The following AKR1E2 variants were observed in gnomAD, a reference collection of about 807,000 sequenced individuals.
AKR1E2 encodes the protein 1,5-anhydro-D-fructose reductase.
AKR1E2 carries 43 observed loss-of-function variants against 41.9 expected under a neutral mutation model. That is an observed-to-expected ratio of 1.03 (90% CI 0.80 to 1.32). The LOEUF (loss-of-function observed/expected upper bound fraction) is 1.32, where lower values mean the gene tolerates loss of function less well. Ranked by LOEUF, AKR1E2 falls within the 40% of genes most tolerant of loss-of-function variation. The probability of loss-of-function intolerance (pLI) is 0.00; values close to 1 mark genes in which losing one functional copy is unlikely to be tolerated. For synonymous variants in AKR1E2, 121 were observed against 138.9 expected (o/e 0.87, Z 0.91); for missense variants, 423 against 396.5 (o/e 1.07, Z -0.57).
In AKR1E2 at chr10:4,837,528, C is replaced by A. The variant is rs751902623; in HGVS notation, c.529C>A (p.Leu177Ile). The A allele has an allele frequency of 1.2e-6, 2 of 1,614,124 alleles. No homozygotes were observed. The highest frequency in any genetic ancestry group is 1.7e-6 in the Non-Finnish European group (2 of 1,180,022). ...GGTGTCAAACTTCAACCATGAACAG[C>A]TTGAGAGGCTTTTGAATAAGCCTGG... is the stretch of plus-strand genomic sequence containing the variant. ...IGVSNFNHEQ[L>I]ERLLNKPGLR... is the part of the protein sequence containing the mutation. Residue 177 changes from leucine to isoleucine, a missense_variant, in exon 5 of 10, where the codon CTT becomes ATT. Coordinates refer to ENST00000298375, the MANE Select transcript of AKR1E2 (RefSeq NM_001040177.3).
chr10:4,840,493 A>C (rs899325713), intron 6 of AKR1E2, among the ~76,000 whole-genome samples: 1 of 152,068 alleles, frequency 6.6e-6, no homozygotes, highest in Non-Finnish European at 1.5e-5. Context: ...AGCTGAAAGG[A>C]GCTGTCTCTT....
chr10:4,845,237 C>A (rs1460607594), intron 8 of AKR1E2, among the ~76,000 whole-genome samples: 3 of 152,236 alleles, frequency 2.0e-5, no homozygotes, highest in Non-Finnish European at 2.9e-5. Context: ...CCCACACCCA[C>A]CCGGAATTCG....
At position 4,841,678 on chromosome 10, in the gene AKR1E2, T is replaced by C. The variant is rs143980999; in HGVS notation, c.681-107T>C. 6.6e-5 allele frequency: 57 copies of C among 862,960 alleles called. 1 individual carries two copies. In the African/African-American group the frequency reaches 7.6e-4, roughly 11 times the overall value. The allele number at this position is 862,960 out of a possible 1,614,324, so 53.5% of individuals were successfully genotyped here. On this transcript the variant is annotated intron_variant, in intron 6 of 9. Coordinates refer to ENST00000298375, the MANE Select transcript of AKR1E2 (RefSeq NM_001040177.3). ...AATTTCCTGTAGTCGGCATGTGTCA[T>C]GATCAGAAAATAAATCTTTCATTTT...
intron 8 of AKR1E2, among the ~76,000 whole-genome samples, chr10:4,845,341 G>A (rs1564277251): frequency 6.6e-6 from 1 of 152,182 alleles, no homozygotes; most frequent in Non-Finnish European, 1.5e-5. Context: ...CTCCGGCCTC[G>A]GCCAGCCCAG....
chr10:4,825,679 G>A (rs931327630), upstream of AKR1E2, among the ~76,000 whole-genome samples: 2 of 152,196 alleles, frequency 1.3e-5, no homozygotes, highest in South Asian at 2.1e-4. Flanking sequence ...CCAGACTGGG[G>A]GCCTCGGGGC....
At chr10:4,863,430 A>G in the AKR1E2 span, among the ~76,000 whole-genome samples, 1 of 152,192 alleles carries the variant, frequency 6.6e-6, no homozygotes, top group Non-Finnish European at 1.5e-5. Flanking sequence ...AAAACACAAC[A>G]TACCAGAATC....
chr10:4,860,009 C>G, the AKR1E2 span, among the ~76,000 whole-genome samples: 1 of 152,126 alleles, frequency 6.6e-6, no homozygotes, highest in East Asian at 1.9e-4. Flanking sequence ...GAGGCAGGGC[C>G]CTTGTGTCTT....
chr10:4,845,891 C>T (rs192522180), intron 8 of AKR1E2: 17 of 468,488 alleles, frequency 3.6e-5, no homozygotes, highest in East Asian at 7.0e-5. Flanking sequence ...CAGACAGCAG[C>T]GGCGGGTTAG....
At chr10:4,836,809 G>A (rs920102404) in intron 4 of AKR1E2, among the ~76,000 whole-genome samples, 35 of 152,222 alleles carry the variant, frequency 2.3e-4, no homozygotes, top group African/African-American at 8.0e-4. Context: ...CAGAGTTGAG[G>A]CAGTAACTAA....
the AKR1E2 span, among the ~76,000 whole-genome samples, chr10:4,857,427 C>A: frequency 6.6e-6 from 1 of 152,154 alleles, no homozygotes; most frequent in African/African-American, 2.4e-5. Context: ...TCTCTGTCTT[C>A]CTCATGCTCC....
At position 4,826,287 on chromosome 10, in the gene AKR1E2, T is replaced by C. The variant is rs539023957; in HGVS notation, c.-38T>C. 4 of 1,228,652 alleles carry C rather than the reference T, an allele frequency of 3.3e-6. No individual in the cohort carries two copies. The South Asian group carries it at 1.2e-4, about 38-fold the overall frequency. The allele number at this position is 1,228,652 out of a possible 1,614,324, so 76.1% of individuals were successfully genotyped here. A position where few individuals can be genotyped will look rare whatever the true frequency, so the allele number is the denominator to read the frequency against. On this transcript the variant is annotated 5_prime_UTR_variant, in exon 1 of 10. Coordinates refer to ENST00000298375, the MANE Select transcript of AKR1E2 (RefSeq NM_001040177.3). ...CGCGCGGTGCCTGTCGGTAGTCGCG[T>C]GCGGGGCGGCGGGGCGGCGGGGCGG...
chr10:4,827,075 GAAAAA>G (rs5782783), intron 1 of AKR1E2, among the ~76,000 whole-genome samples: 118 of 123,130 alleles, frequency 9.6e-4, no homozygotes, highest in East Asian at 8.1e-3. Context: ...GACCTTGCTG[GAAAAA>G]AAAAAAAAAA....
chr10:4,837,995 A>G (rs1833572633), intron 5 of AKR1E2, among the ~76,000 whole-genome samples: 1 of 152,240 alleles, frequency 6.6e-6, no homozygotes, highest in Non-Finnish European at 1.5e-5. Flanking sequence ...GCTGAAGGTG[A>G]TGCAGGCACT....
intron 5 of AKR1E2, among the ~76,000 whole-genome samples, chr10:4,838,231 C>T (rs1444733683): frequency 1.3e-5 from 2 of 152,182 alleles, no homozygotes; most frequent in Non-Finnish European, 1.5e-5. Flanking sequence ...TAACCCCTGC[C>T]GAGCACAGCA....
intron 5 of AKR1E2, 138 bp from the exon 6 acceptor site, chr10:4,839,591 C>G: frequency 4.1e-6 from 3 of 740,592 alleles, no homozygotes; most frequent in Admixed American, 4.2e-5. Context: ...AGACTCCTCA[C>G]AACAGAAACA....
At position 4,847,558 on chromosome 10, in the gene AKR1E2, C is replaced by G; in HGVS notation, c.*28C>G. 1.2e-6 allele frequency: 2 copies of G among 1,611,440 alleles called. No homozygotes were observed. Among genetic ancestry groups the G allele is most frequent in the Non-Finnish European group, 1.7e-6 (2 of 1,177,798 alleles). On this transcript the variant is annotated 3_prime_UTR_variant, in exon 10 of 10. Transcript: ENST00000298375. ...ACGCTTCCCCTTCCTTGTTTCTGCT[C>G]AGCCCAGATGCACAGACACTATTGG...
intron 6 of AKR1E2, among the ~76,000 whole-genome samples, chr10:4,840,309 A>G (rs951010181): frequency 2.6e-5 from 4 of 152,264 alleles, no homozygotes; most frequent in African/African-American, 9.6e-5. Context: ...CCCGAGTCCA[A>G]TCCAGCACCA....
the AKR1E2 span, among the ~76,000 whole-genome samples, chr10:4,868,989 A>G: frequency 6.6e-6 from 1 of 151,926 alleles, no homozygotes; most frequent in African/African-American, 2.4e-5. Context: ...TATTGTTCTT[A>G]GTTTTATTTC....
chr10:4,831,723 G>A (rs555938722), intron 2 of AKR1E2, among the ~76,000 whole-genome samples: 1 of 152,346 alleles, frequency 6.6e-6, no homozygotes, highest in Non-Finnish European at 1.5e-5. Flanking sequence ...GGTTGCAGGA[G>A]TAATGAGAAG....
Sources: gnomAD v4.1 joint callset for allele counts (sites outside exome capture counted in the v4.1 genomes callset) on GRCh38, gnomAD v4.1.1 for gene constraint, MANE v1.5 for transcripts, NCBI Gene and HGNC (gene_info 2026-07-23, HGNC 2026-07-21) for gene names.